Variants in HS6ST3 observed in about 807,000 individuals in gnomAD.
HS6ST3 encodes heparan sulfate 6-O-sulfotransferase 3, also known as heparan-sulfate 6-O-sulfotransferase 3.
Under a neutral mutation model 36.7 loss-of-function variants are expected in HS6ST3, and 12 were observed. The observed-to-expected ratio is 0.33, with a 90% CI of 0.21 to 0.53. The LOEUF is 0.53. Among genes scored for constraint, HS6ST3 ranks in the 20% least tolerant of loss-of-function variants. The pLI is 0.95. For missense variants in HS6ST3, 584 were observed against 640.9 expected (o/e 0.91, Z 0.96); for synonymous variants, 240 against 257.5 (o/e 0.93, Z 0.65).
intron 1 of HS6ST3, among the ~76,000 whole-genome samples, chr13:96,367,305 A>G (rs558792819): frequency 6.6e-6 from 1 of 152,376 alleles, no homozygotes; most frequent in East Asian, 1.9e-4. Context: ...TGACATTATA[A>G]AAACAATATT....
intron 1 of HS6ST3, among the ~76,000 whole-genome samples, chr13:96,228,508 C>T (rs768887256): frequency 4.6e-5 from 7 of 152,152 alleles, no homozygotes; most frequent in East Asian, 1.9e-4. Context: ...TCAAGTGATC[C>T]GCCTGTCTCG....
At chr13:96,723,563 A>T (rs983923682) in intron 1 of HS6ST3, among the ~76,000 whole-genome samples, 2 of 152,186 alleles carry the variant, frequency 1.3e-5, no homozygotes, top group African/African-American at 4.8e-5. Flanking sequence ...CTTGCAGTAA[A>T]TGTTTCTCGC....
intron 1 of HS6ST3, among the ~76,000 whole-genome samples, chr13:96,722,536 A>G (rs2138469921): frequency 6.6e-6 from 1 of 152,282 alleles, no homozygotes; most frequent in Admixed American, 6.5e-5. Context: ...GAAAGAACAC[A>G]TGGGTGTTCG....
chr13:96,755,701 T>C (rs1479722456), intron 1 of HS6ST3, among the ~76,000 whole-genome samples: 3 of 152,230 alleles, frequency 2.0e-5, no homozygotes. Context: ...AGTATTGCTT[T>C]GTATGAATGT....
rs187937406 is a variant in HS6ST3 at position 96,832,928 on chromosome 13, G to T, written c.1146G>T (p.Thr382=). The T allele has an allele frequency of 5.0e-6, 8 of 1,614,088 alleles. No individual in the cohort carries two copies. Among genetic ancestry groups the T allele is most frequent in the Non-Finnish European group, 5.9e-6 (7 of 1,180,004 alleles). ...CCCCCTTCACACAGTTCAACATCAC[G>T]CGGGCTTCTAACGTGGAGATCAACG... ...FISPFTQFNI[T]RASNVEINEG... is the part of the protein sequence containing the mutation. The change falls in exon 2 of 2, where the codon ACG becomes ACT. Residue 382 remains threonine (T), a synonymous_variant. Coordinates refer to ENST00000376705, the MANE Select transcript of HS6ST3 (RefSeq NM_153456.4).
chr13:96,602,669 C>A (rs2056425861), intron 1 of HS6ST3, among the ~76,000 whole-genome samples: 1 of 152,176 alleles, frequency 6.6e-6, no homozygotes, highest in Non-Finnish European at 1.5e-5. Context: ...GCTCAGAGAT[C>A]AAGTTCGCCA....
At chr13:96,579,528 A>G (rs750125564) in intron 1 of HS6ST3, among the ~76,000 whole-genome samples, 1 of 152,052 alleles carries the variant, frequency 6.6e-6, no homozygotes, top group African/African-American at 2.4e-5. Context: ...TGGATTGCCT[A>G]CTTACACAAG....
At chr13:96,680,262 A>T (rs996817514) in intron 1 of HS6ST3, among the ~76,000 whole-genome samples, 2 of 152,074 alleles carry the variant, frequency 1.3e-5, no homozygotes, top group South Asian at 4.1e-4. Flanking sequence ...TCACACCACC[A>T]TGCCATCACC....
intron 1 of HS6ST3, among the ~76,000 whole-genome samples, chr13:96,820,320 T>C (rs1370702025): frequency 6.6e-6 from 1 of 152,212 alleles, no homozygotes; most frequent in Non-Finnish European, 1.5e-5. Context: ...TGTTTAATAT[T>C]TGAAATTTCA....
chr13:96,761,581 C>A (rs1041803465), intron 1 of HS6ST3, among the ~76,000 whole-genome samples: 1 of 151,964 alleles, frequency 6.6e-6, no homozygotes, highest in African/African-American at 2.4e-5. Context: ...CTGGTGTGTG[C>A]CCTTCCCAAT....
At chr13:96,446,187 A>G (rs894566318) in intron 1 of HS6ST3, among the ~76,000 whole-genome samples, 1 of 151,246 alleles carries the variant, frequency 6.6e-6, no homozygotes, top group African/African-American at 2.4e-5. Context: ...AAAAAAAAAA[A>G]GTTTTTTTAA....
intron 1 of HS6ST3, among the ~76,000 whole-genome samples, chr13:96,116,211 G>A (rs969713662): frequency 5.3e-5 from 8 of 152,170 alleles, no homozygotes; most frequent in African/African-American, 1.9e-4. Flanking sequence ...CGAGTGCATA[G>A]TCTGTTCACT....
intron 1 of HS6ST3, among the ~76,000 whole-genome samples, chr13:96,827,904 G>A (rs1878683414): frequency 6.6e-6 from 1 of 152,152 alleles, no homozygotes; most frequent in Non-Finnish European, 1.5e-5. Context: ...CCTGAAACAT[G>A]AACAAGTCCC....
chr13:96,207,230 A>G (rs2054375159), intron 1 of HS6ST3, among the ~76,000 whole-genome samples: 1 of 152,214 alleles, frequency 6.6e-6, no homozygotes, highest in South Asian at 2.1e-4. Context: ...TCATTAGGGA[A>G]ATGCAAATCA....
At chr13:96,531,007 A>G (rs2056133188) in intron 1 of HS6ST3, among the ~76,000 whole-genome samples, 1 of 152,226 alleles carries the variant, frequency 6.6e-6, no homozygotes, top group African/African-American at 2.4e-5. Flanking sequence ...GATTTAGATC[A>G]TTCTTTTTTG....
intron 1 of HS6ST3, among the ~76,000 whole-genome samples, chr13:96,669,147 C>A (rs1419927049): frequency 6.6e-6 from 1 of 152,110 alleles, no homozygotes; most frequent in African/African-American, 2.4e-5. Flanking sequence ...ATAAAATAAA[C>A]TAAGCTGGAG....
chr13:96,661,845 A>AT (rs1028301792), intron 1 of HS6ST3, among the ~76,000 whole-genome samples: 20 of 152,130 alleles, frequency 1.3e-4, no homozygotes, highest in African/African-American at 4.8e-4. Flanking sequence ...TTTATCTTTT[A>AT]TTTTTGAAGC....
intron 1 of HS6ST3, among the ~76,000 whole-genome samples, chr13:96,112,388 A>G (rs1037587930): frequency 6.6e-6 from 1 of 151,490 alleles, no homozygotes; most frequent in East Asian, 1.9e-4. Flanking sequence ...CTAGTGTGTT[A>G]AGGGATAAAA....
chr13:96,272,213 A>C (rs1352540791), intron 1 of HS6ST3, among the ~76,000 whole-genome samples: 1 of 152,038 alleles, frequency 6.6e-6, no homozygotes, highest in East Asian at 1.9e-4. Flanking sequence ...ACTTGCTTGG[A>C]ATTCAAAACA....
Sources: gnomAD v4.1 joint callset for allele counts (sites outside exome capture counted in the v4.1 genomes callset) on GRCh38, gnomAD v4.1.1 for gene constraint, MANE v1.5 for transcripts, NCBI Gene and HGNC (gene_info 2026-07-23, HGNC 2026-07-21) for gene names.